Variants in ATP6V1C2 observed in about 807,000 individuals in gnomAD.
ATP6V1C2 encodes the protein V-type proton ATPase subunit C 2.
ATP6V1C2 carries 45 observed loss-of-function variants against 56.8 expected under a neutral mutation model. The ratio of observed to expected loss-of-function variants is 0.79; its 90% confidence interval spans 0.62 to 1.02. ATP6V1C2 has a LOEUF of 1.02. ATP6V1C2 is among the 50% of genes least tolerant of loss of function. The probability of loss-of-function intolerance (pLI) is 0.00; values close to 1 mark genes in which losing one functional copy is unlikely to be tolerated. For missense variants in ATP6V1C2, 463 were observed against 519.7 expected, an observed-to-expected ratio of 0.89 and a Z score of 1.06; for synonymous variants, 220 against 201.3, an observed-to-expected ratio of 1.09 and a Z score of -0.79.
intron 4 of ATP6V1C2, among the ~76,000 whole-genome samples, chr2:10,762,049 A>G (rs998140382): frequency 1.3e-5 from 2 of 151,852 alleles, no homozygotes; most frequent in East Asian, 3.9e-4. Context: ...GCCTTATCTC[A>G]CTTTATCCTG....
At position 10,782,175 on chromosome 2, in the gene ATP6V1C2, G is replaced by A. The variant is rs7583019; in HGVS notation, c.1062-68G>A. On this transcript the variant is annotated intron_variant, in intron 12 of 13. Transcript: ENST00000272238. ...TTCACCCTCGGAATGTACTGTTTCT[G>A]GTCAGGTTCCTTCTATCCGTGTTTG... 160 of 1,578,336 alleles carry A rather than the reference G, an allele frequency of 1.0e-4. 1 individual carries two copies. The South Asian group carries it at 1.7e-3, about 17-fold the overall frequency.
At chr2:10,741,030 G>T (rs1030122800) in intron 3 of ATP6V1C2, among the ~76,000 whole-genome samples, 1 of 152,182 alleles carries the variant, frequency 6.6e-6, no homozygotes, top group Admixed American at 6.5e-5. Flanking sequence ...TGTCTGGACC[G>T]CATGTGGGTG....
chr2:10,768,951 C>T lies in ATP6V1C2; in HGVS notation c.470+141C>T, dbSNP rs567143610. On this transcript the variant is annotated intron_variant, in intron 6 of 13. Transcript: ENST00000272238. ...AGACAGACAGGTGGAGGCACTCTCA[C>T]CTCTCCAAGAGCCGCGTGCTGGGAG... 3.4e-5 allele frequency: 23 copies of T among 684,606 alleles called. No individual in the cohort carries two copies. In the African/African-American group the frequency reaches 3.9e-4, roughly 12 times the overall value. The allele number at this position is 684,606 out of a possible 1,614,324, so 42.4% of individuals were successfully genotyped here. A position where few individuals can be genotyped will look rare whatever the true frequency, so the allele number is the denominator to read the frequency against.
chr2:10,757,990 A>T (rs1007879176), intron 4 of ATP6V1C2, among the ~76,000 whole-genome samples: 11 of 152,230 alleles, frequency 7.2e-5, no homozygotes, highest in African/African-American at 2.4e-4. Context: ...TGGTAGAATT[A>T]AAAATAGCAA....
intron 8 of ATP6V1C2, among the ~76,000 whole-genome samples, chr2:10,773,386 C>T (rs908751055): frequency 2.0e-5 from 3 of 152,006 alleles, no homozygotes; most frequent in Non-Finnish European, 4.4e-5. Context: ...CAAAGCTGCG[C>T]GTTTTCCTTT....
rs761100899 is a variant in ATP6V1C2, at chr2:10,764,399, G to C, written c.352G>C (p.Val118Leu). ...MAKYPVKQPL[V>L]SVVDTIAKQL... ...CAAATATCCTGTCAAGCAGCCGCTCGTGAGTGTGGTGGACACAATAGCCAA... is the reference window on the plus strand; with the variant it reads ...CAAATATCCTGTCAAGCAGCCGCTCCTGAGTGTGGTGGACACAATAGCCAA... The change falls in exon 5 of 14, where the codon GTG (valine) becomes CTG (leucine). Residue 118 changes from valine to leucine, a missense_variant. Val to Leu is a conservative substitution (Grantham distance 32, BLOSUM62 1). Transcript: ENST00000272238. The C allele has an allele frequency of 4.3e-6, 7 of 1,614,066 alleles. No individual in the cohort carries two copies. The East Asian group carries it at 6.7e-5, about 15-fold the overall frequency.
chr2:10,782,128 G>A, intron 12 of ATP6V1C2, 115 bp from the exon 13 acceptor site: 1 of 1,254,262 alleles, frequency 8.0e-7, no homozygotes, highest in East Asian at 2.4e-5. Context: ...TTGACTTTAT[G>A]AAGCTGTGTT....
chr2:10,741,892 CTCCTTCCTTCCTTCCTTCCTTCCT>C (rs56236466), intron 3 of ATP6V1C2, among the ~76,000 whole-genome samples: 1 of 144,078 alleles, frequency 6.9e-6, no homozygotes, highest in Non-Finnish European at 1.5e-5. Flanking sequence ...CCCTCCTTCC[CTCCTTCCTTCCTTCCTTCCTTCCT>C]TCCTTCCTTC....
In ATP6V1C2 at chr2:10,768,601, A is replaced by C. The variant is rs574947390; in HGVS notation, c.379-118A>C. On this transcript the variant is annotated intron_variant, in intron 5 of 13. Transcript: ENST00000272238. ...CTGGTAAACAGAAGCCATCCCAGCA[A>C]ATGGGCAGGGCAGTTATTTTTCTTG... 8.8e-4 allele frequency: 723 copies of C among 820,470 alleles called. 2 individuals carry two copies. The highest frequency in any genetic ancestry group is 1.1e-3 in the South Asian group (70 of 61,852). The allele number at this position is 820,470 out of a possible 1,614,324, so 50.8% of individuals were successfully genotyped here.
chr2:10,742,583 CT>C (rs1338511226), intron 3 of ATP6V1C2, among the ~76,000 whole-genome samples: 1 of 152,204 alleles, frequency 6.6e-6, no homozygotes, highest in African/African-American at 2.4e-5. Context: ...CCCCATACCC[CT>C]GGACTGGAAG....
chr2:10,761,785 G>T (rs879449004), intron 4 of ATP6V1C2, among the ~76,000 whole-genome samples: 1 of 152,180 alleles, frequency 6.6e-6, no homozygotes, highest in Non-Finnish European at 1.5e-5. Flanking sequence ...ATTGGATCAG[G>T]GCCCCACCCT....
At chr2:10,737,477 G>T (rs547752770) in intron 3 of ATP6V1C2, among the ~76,000 whole-genome samples, 1 of 152,032 alleles carries the variant, frequency 6.6e-6, no homozygotes, top group East Asian at 1.9e-4. Flanking sequence ...TGACCTTTGG[G>T]AATTTGAAAT....
rs1198355439 is a variant in ATP6V1C2 at position 10,743,279 on chromosome 2, T to C, written c.198-10702T>C. ...AATATTTATTTATATATATATTTAT[T>C]TATTTGGTAGATACAGGGTCTCGCT... On this transcript the variant is annotated intron_variant, in intron 3 of 13. Coordinates refer to ENST00000272238, the MANE Select transcript of ATP6V1C2 (RefSeq NM_001039362.2). Among the ~76,000 whole-genome samples, 6 of 151,630 alleles carry C rather than the reference T, an allele frequency of 4.0e-5. No individual in the cohort carries two copies. The East Asian group carries it at 1.2e-3, about 30-fold the overall frequency.
intron 10 of ATP6V1C2, among the ~76,000 whole-genome samples, chr2:10,775,545 C>G (rs957615391): frequency 1.3e-5 from 2 of 152,180 alleles, no homozygotes; most frequent in African/African-American, 4.8e-5. Context: ...GCCACTAGCC[C>G]CTGTATTTAC....
At position 10,783,314 on chromosome 2, in the gene ATP6V1C2, C is replaced by T. The variant is rs556998473; in HGVS notation, c.*51C>T. The T allele has an allele frequency of 8.1e-7, 1 of 1,241,054 alleles. No individual in the cohort carries two copies. The highest frequency in any genetic ancestry group is 1.2e-6 in the Non-Finnish European group (1 of 844,556). 76.9% of individuals were successfully genotyped at this position (1,241,054 alleles called of 1,614,324 possible). ...ATGTTCGTGCAGATTATTACAGACA[C>T]CTCTTTCCTTTAGCCAGAGAATGGT... On this transcript the variant is annotated 3_prime_UTR_variant, in exon 14 of 14. Transcript: ENST00000272238.
intron 3 of ATP6V1C2, among the ~76,000 whole-genome samples, chr2:10,750,443 A>T (rs914546702): frequency 2.0e-5 from 3 of 151,898 alleles, no homozygotes; most frequent in African/African-American, 7.3e-5. Flanking sequence ...TTGAACCTGG[A>T]AGGTGGAAGT....
chr2:10,754,405 T>C (rs920070748), intron 4 of ATP6V1C2, among the ~76,000 whole-genome samples: 21 of 150,736 alleles, frequency 1.4e-4, no homozygotes, highest in Non-Finnish European at 2.5e-4. Flanking sequence ...TTTGTATTTT[T>C]AGTAGAGATG....
At chr2:10,761,731 G>A (rs572277242) in intron 4 of ATP6V1C2, among the ~76,000 whole-genome samples, 27 of 152,296 alleles carry the variant, frequency 1.8e-4, no homozygotes, top group African/African-American at 6.0e-4. Flanking sequence ...GGGAGAGCAC[G>A]GATCCAACTC....
At chr2:10,733,636 T>TA (rs58039579) in intron 3 of ATP6V1C2, among the ~76,000 whole-genome samples, 19,268 of 145,050 alleles carry the variant, frequency 0.13, 2,023 homozygotes, top group East Asian at 0.4. Flanking sequence ...GCTATTATCT[T>TA]AAAAAAAAAA....
Sources: gnomAD v4.1 joint callset for allele counts (sites outside exome capture counted in the v4.1 genomes callset) on GRCh38, gnomAD v4.1.1 for gene constraint, MANE v1.5 for transcripts, NCBI Gene and HGNC (gene_info 2026-07-23, HGNC 2026-07-21) for gene names.